Variants in CDK14 observed in about 807,000 individuals in gnomAD.
CDK14 encodes cyclin-dependent kinase 14.
CDK14 carries 34 observed loss-of-function variants against 60.7 expected under a neutral mutation model. The observed-to-expected ratio is 0.56, with a 90% CI of 0.43 to 0.75. The LOEUF is 0.75. Ranked by LOEUF, CDK14 falls within the 30% of genes least tolerant of loss-of-function variation. The pLI is 0.00. For missense variants in CDK14, 482 were observed against 564.1 expected, an observed-to-expected ratio of 0.85 and a Z score of 1.47; for synonymous variants, 197 against 203.7, an observed-to-expected ratio of 0.97 and a Z score of 0.28.
At chr7:91,181,052 C>T (rs1432787873) in intron 14 of CDK14, among the ~76,000 whole-genome samples, 1 of 152,118 alleles carries the variant, frequency 6.6e-6, no homozygotes, top group East Asian at 1.9e-4. Flanking sequence ...CGTTTTAAAC[C>T]TAATCACAAC....
intron 2 of CDK14, among the ~76,000 whole-genome samples, chr7:90,676,424 A>G (rs1801198242): frequency 6.6e-6 from 1 of 151,838 alleles, no homozygotes; most frequent in South Asian, 2.1e-4. Flanking sequence ...CACTTATAGG[A>G]GGAAGTTGCT....
At chr7:90,988,383 G>T (rs776219699) in intron 10 of CDK14, among the ~76,000 whole-genome samples, 5 of 152,126 alleles carry the variant, frequency 3.3e-5, no homozygotes, top group Admixed American at 6.5e-5. Flanking sequence ...TTTTGAATTG[G>T]CAGGTAAATA....
At chr7:90,779,396 G>A (rs2116924302) in intron 4 of CDK14, among the ~76,000 whole-genome samples, 1 of 152,272 alleles carries the variant, frequency 6.6e-6, no homozygotes, top group South Asian at 2.1e-4. Context: ...GGGACTACAG[G>A]CACGTGCCAC....
chr7:90,810,952 C>T (rs1482883038), intron 5 of CDK14, among the ~76,000 whole-genome samples: 4 of 151,946 alleles, frequency 2.6e-5, no homozygotes, highest in Middle Eastern at 3.2e-3. Context: ...AACCACTGCT[C>T]AATGAAATAA....
At chr7:90,715,974 C>T (rs1261194256) in intron 2 of CDK14, among the ~76,000 whole-genome samples, 9 of 151,862 alleles carry the variant, frequency 5.9e-5, no homozygotes. Context: ...TAATATTTCA[C>T]CTCTTAACAC....
chr7:90,705,581 G>C (rs980378738), intron 2 of CDK14, among the ~76,000 whole-genome samples: 1 of 151,006 alleles, frequency 6.6e-6, no homozygotes, highest in African/African-American at 2.4e-5. Context: ...TCAGGAGAAA[G>C]TTCATGGTTC....
rs148029984 is a variant in CDK14 at position 90,785,567 on chromosome 7, C to T, written c.465-5006C>T. 7.0e-3 allele frequency among the ~76,000 whole-genome samples: 1,070 copies of T among 152,008 alleles called. 5 individuals carry two copies. Among genetic ancestry groups the T allele is most frequent in the African/African-American group, 0.014 (582 of 41,466 alleles). ...ATGGGAGGCCGAGATGGGCAGATCACGAGGTCAGGAGATGGAGACGATCCT... is the reference window on the plus strand; with the variant it reads ...ATGGGAGGCCGAGATGGGCAGATCATGAGGTCAGGAGATGGAGACGATCCT... On this transcript the variant is annotated intron_variant, in intron 4 of 14. Transcript: ENST00000380050.
chr7:91,204,564 A>T (rs1158958091), intron 14 of CDK14, among the ~76,000 whole-genome samples: 1 of 152,200 alleles, frequency 6.6e-6, no homozygotes, highest in Non-Finnish European at 1.5e-5. Context: ...CAACTCAACA[A>T]CGAAAAGACA....
chr7:91,176,243 G>T (rs1392888559), intron 14 of CDK14, among the ~76,000 whole-genome samples: 1 of 152,140 alleles, frequency 6.6e-6, no homozygotes. Context: ...CATAAATAAA[G>T]ATGTTCTTTG....
At chr7:91,154,939 G>A (rs1800941903) in intron 14 of CDK14, among the ~76,000 whole-genome samples, 1 of 152,180 alleles carries the variant, frequency 6.6e-6, no homozygotes, top group Non-Finnish European at 1.5e-5. Flanking sequence ...CTAGGGAAGT[G>A]GATGTTTCAG....
At chr7:90,827,596 C>T (rs1789770336) in intron 5 of CDK14, among the ~76,000 whole-genome samples, 1 of 152,138 alleles carries the variant, frequency 6.6e-6, no homozygotes. Context: ...AGTATGGGTC[C>T]TGCAGAAACG....
intron 11 of CDK14, among the ~76,000 whole-genome samples, chr7:91,050,289 G>T (rs902564327): frequency 2.0e-5 from 3 of 152,060 alleles, no homozygotes; most frequent in Non-Finnish European, 4.4e-5. Context: ...AGAAGCAGGG[G>T]GACCCCTTAG....
chr7:91,086,516 T>TC (rs1798644794), intron 12 of CDK14, among the ~76,000 whole-genome samples: 1 of 152,114 alleles, frequency 6.6e-6, no homozygotes, highest in Non-Finnish European at 1.5e-5. Flanking sequence ...ATCTCCTTGA[T>TC]CTCCCCTAAC....
chr7:91,167,858 T>C (rs1801392881), intron 14 of CDK14, among the ~76,000 whole-genome samples: 2 of 152,358 alleles, frequency 1.3e-5, no homozygotes, highest in South Asian at 4.1e-4. Context: ...GAAATTGTTG[T>C]GTAGAAGGTA....
At chr7:90,963,763 T>G (rs995458829) in intron 9 of CDK14, among the ~76,000 whole-genome samples, 3 of 142,560 alleles carry the variant, frequency 2.1e-5, no homozygotes. Context: ...TCACCCAGAC[T>G]GTAGTGCAAT....
chr7:90,748,890 G>A (rs150163474), intron 4 of CDK14, among the ~76,000 whole-genome samples: 1 of 152,306 alleles, frequency 6.6e-6, no homozygotes, highest in African/African-American at 2.4e-5. Flanking sequence ...CACCCAGCCA[G>A]ATTAGAATAT....
At chr7:90,710,696 G>A in intron 2 of CDK14, 1 of 275,738 alleles carries the variant, frequency 3.6e-6, no homozygotes, top group Non-Finnish European at 5.5e-6. Flanking sequence ...GATGCTAATG[G>A]AGAACCCCTG....
chr7:90,778,846 A>ACCTTCCTT (rs35971285), intron 4 of CDK14, among the ~76,000 whole-genome samples: 8,322 of 127,866 alleles, frequency 0.065, 394 homozygotes, highest in South Asian at 0.081. Context: ...AAATTGACCG[A>ACCTTCCTT]CCTTCCTTCC....
chr7:91,027,149 T>A lies in CDK14; in HGVS notation c.1042-18748T>A, dbSNP rs563042876. Among the ~76,000 whole-genome samples, 7 of 152,378 alleles carry A rather than the reference T, an allele frequency of 4.6e-5. No homozygotes were observed. The East Asian group carries it at 1.3e-3, about 29-fold the overall frequency. On this transcript the variant is annotated intron_variant, in intron 10 of 14. Transcript: ENST00000380050. ...CACAATACGTAACTGTTATAATTTC[T>A]AGATACTGGAAAATAATGGGCCAAA... is the stretch of plus-strand genomic sequence containing the variant.
Sources: allele counts gnomAD v4.1 joint callset (sites outside exome capture counted in the v4.1 genomes callset), GRCh38; gene constraint gnomAD v4.1.1; transcripts MANE v1.5; gene names NCBI Gene and HGNC (gene_info 2026-07-23, HGNC 2026-07-21).